KAT2B: variants seen among roughly 807,000 people sequenced by gnomAD.
KAT2B encodes lysine acetyltransferase 2B, also known as histone acetyltransferase KAT2B.
Under a neutral mutation model 105.9 loss-of-function variants are expected in KAT2B, and 36 were observed. The observed-to-expected ratio is 0.34, with a 90% confidence interval of 0.26 to 0.45. The LOEUF is 0.45. KAT2B is among the 20% of genes least tolerant of loss of function. The probability of loss-of-function intolerance (pLI) is 1.00; values close to 1 mark genes in which losing one functional copy is unlikely to be tolerated. For missense variants in KAT2B, 820 were observed against 1,021.6 expected (o/e 0.80, Z 2.69); for synonymous variants, 397 against 377.9 (o/e 1.05, Z -0.59).
At chr3:20,120,213 CT>C (rs10709834) in intron 8 of KAT2B, among the ~76,000 whole-genome samples, 24,718 of 147,852 alleles carry the variant, frequency 0.17, 2,352 homozygotes, top group South Asian at 0.35. Flanking sequence ...CTGCCACATT[CT>C]TTTTTTTTTT....
intron 1 of KAT2B, among the ~76,000 whole-genome samples, chr3:20,059,689 A>G (rs1186035781): frequency 6.6e-6 from 1 of 152,182 alleles, no homozygotes; most frequent in African/African-American, 2.4e-5. Flanking sequence ...TGGGCGACTG[A>G]GCGAGACTCC....
intron 2 of KAT2B, among the ~76,000 whole-genome samples, chr3:20,076,743 T>C (rs967700930): frequency 1.4e-4 from 22 of 152,210 alleles, no homozygotes; most frequent in Non-Finnish European, 3.1e-4. Context: ...ATCTTCTTAA[T>C]TGTTACCGAC....
chr3:20,085,185 A>G (rs571516126), intron 2 of KAT2B, among the ~76,000 whole-genome samples: 58 of 152,308 alleles, frequency 3.8e-4, no homozygotes, highest in African/African-American at 1.1e-3. Context: ...CTCCATCTCT[A>G]TGTCTATTAA....
intron 2 of KAT2B, among the ~76,000 whole-genome samples, chr3:20,074,484 G>T (rs886103815): frequency 2.0e-5 from 3 of 152,146 alleles, no homozygotes; most frequent in African/African-American, 7.2e-5. Flanking sequence ...AGGATTAAAT[G>T]AGATAAGAAA....
Position 20,119,728 on chromosome 3 carries a change from G to A in KAT2B, c.1276+5G>A. ...CTGGACTTGAGGCAAACCCAGGTAAGCTCTTAAGAGGGGATAAGAGAGGGC... is the reference window on the plus strand; with the variant it reads ...CTGGACTTGAGGCAAACCCAGGTAAACTCTTAAGAGGGGATAAGAGAGGGC... On this transcript the variant is annotated splice_donor_5th_base_variant and intron_variant, in intron 8 of 17. Coordinates refer to ENST00000263754, the MANE Select transcript of KAT2B (RefSeq NM_003884.5). 1.9e-6 allele frequency: 3 copies of A among 1,613,942 alleles called. No individual in the cohort carries two copies. Among genetic ancestry groups the A allele is most frequent in the Non-Finnish European group, 2.5e-6 (3 of 1,179,878 alleles).
At chr3:20,060,284 C>A (rs1698077282) in intron 1 of KAT2B, among the ~76,000 whole-genome samples, 1 of 152,132 alleles carries the variant, frequency 6.6e-6, no homozygotes. Flanking sequence ...TTATGTTTAA[C>A]TTTTTGAAAA....
At chr3:20,114,290 T>C (rs1699169397) in intron 6 of KAT2B, among the ~76,000 whole-genome samples, 1 of 152,206 alleles carries the variant, frequency 6.6e-6, no homozygotes, top group African/African-American at 2.4e-5. Flanking sequence ...ATTTCACTTC[T>C]CTGTGCCCTA....
At chr3:20,119,220 T>G (rs1699263536) in intron 7 of KAT2B, among the ~76,000 whole-genome samples, 5 of 152,048 alleles carry the variant, frequency 3.3e-5, no homozygotes, top group Admixed American at 3.3e-4. Flanking sequence ...TCACAGGTTT[T>G]AGCCTACACA....
intron 2 of KAT2B, among the ~76,000 whole-genome samples, chr3:20,080,910 T>C (rs1490184190): frequency 6.6e-6 from 1 of 152,248 alleles, no homozygotes; most frequent in Admixed American, 6.5e-5. Flanking sequence ...TTTTGTCTTT[T>C]TAAACACAGC....
chr3:20,130,500 G>C (rs1699490115), intron 11 of KAT2B, among the ~76,000 whole-genome samples: 3 of 152,112 alleles, frequency 2.0e-5, no homozygotes, highest in Non-Finnish European at 2.9e-5. Context: ...ATATGCCCTT[G>C]GTTTGTAATT....
At chr3:20,123,763 G>C (rs1177943720) in intron 9 of KAT2B, among the ~76,000 whole-genome samples, 1 of 152,162 alleles carries the variant, frequency 6.6e-6, no homozygotes, top group Non-Finnish European at 1.5e-5. Flanking sequence ...ACTGCCATTG[G>C]TGAAGAGTCT....
At chr3:20,062,940 A>G (rs1698163267) in intron 1 of KAT2B, among the ~76,000 whole-genome samples, 1 of 152,078 alleles carries the variant, frequency 6.6e-6, no homozygotes. Flanking sequence ...GTTATCAAAT[A>G]TATGGTTTGC....
At chr3:20,065,713 A>G (rs4241545) in intron 1 of KAT2B, among the ~76,000 whole-genome samples, 1 of 152,032 alleles carries the variant, frequency 6.6e-6, no homozygotes, top group Non-Finnish European at 1.5e-5. Flanking sequence ...CCTGCAAAAA[A>G]TACTGAAACA....
rs749799573 is a variant in KAT2B, at chr3:20,101,486, C to A, written c.851+18C>A. 59 of 1,610,062 alleles carry A rather than the reference C, an allele frequency of 3.7e-5. No individual in the cohort carries two copies. Among genetic ancestry groups the A allele is most frequent in the Non-Finnish European group, 4.8e-5 (56 of 1,176,850 alleles). ...TACACAAGGTAATCAGATGCAAGTTCTTTTCCTTTGGCCCCATAAAGCCTG... is the reference window on the plus strand; with the variant it reads ...TACACAAGGTAATCAGATGCAAGTTATTTTCCTTTGGCCCCATAAAGCCTG... On this transcript the variant is annotated intron_variant, in intron 5 of 17. Coordinates refer to ENST00000263754, the MANE Select transcript of KAT2B (RefSeq NM_003884.5).
chr3:20,144,379 C>T (rs567965605), intron 13 of KAT2B, among the ~76,000 whole-genome samples: 3 of 147,600 alleles, frequency 2.0e-5, no homozygotes, highest in African/African-American at 7.6e-5. Flanking sequence ...AGCTCTGCCT[C>T]CTGGGTTCGC....
chr3:20,130,520 G>T (rs3811672), intron 11 of KAT2B, among the ~76,000 whole-genome samples: 4,605 of 152,250 alleles, frequency 0.03, 202 homozygotes, highest in East Asian at 0.22. Flanking sequence ...TTTAGAAAAA[G>T]ATGGCGTAAT....
rs1356063399 is a variant in KAT2B, at chr3:20,072,456, C to T, written c.427C>T (p.Leu143=). The T allele has an allele frequency of 6.2e-7, 1 of 1,613,538 alleles. No individual in the cohort carries two copies. The highest frequency in any genetic ancestry group is 8.5e-7 in the Non-Finnish European group (1 of 1,179,488). The change falls in exon 2 of 18, where the codon CTA becomes TTA. Residue 143 remains leucine (L), a synonymous_variant. Coordinates refer to ENST00000263754, the MANE Select transcript of KAT2B (RefSeq NM_003884.5). ...ATCCTGTCGGAGTTGTAGCCATGCC[C>T]TAGGTGAGTTCCTAAATCTTCAAGG... ...TESCRSCSHA[L]AAHVSHLENV...
At chr3:20,140,524 GTC>G (rs139832420) in intron 13 of KAT2B, among the ~76,000 whole-genome samples, 160 bp downstream of exon 13, 1,765 of 152,132 alleles carry the variant, frequency 0.012, 27 homozygotes, top group African/African-American at 0.039. Context: ...TTGACACAGA[GTC>G]TCTCTGTCAC....
intron 1 of KAT2B, among the ~76,000 whole-genome samples, chr3:20,058,776 C>G (rs1160892574): frequency 6.6e-6 from 1 of 152,160 alleles, no homozygotes; most frequent in African/African-American, 2.4e-5. Flanking sequence ...GGAAGGATTA[C>G]TGAACCATTT....
Sources: allele counts gnomAD v4.1 joint callset (sites outside exome capture counted in the v4.1 genomes callset), GRCh38; gene constraint gnomAD v4.1.1; transcripts MANE v1.5; gene names NCBI Gene and HGNC (gene_info 2026-07-23, HGNC 2026-07-21).